Variants in TPGS2 observed in about 807,000 individuals in gnomAD.
TPGS2 encodes polyglutamylase subunit 2.
In TPGS2, 26 loss-of-function variants were observed where a neutral mutation model predicts 31.1. The observed-to-expected ratio is 0.84, with a 90% CI of 0.61 to 1.16. TPGS2 has a LOEUF of 1.16. Among genes scored for constraint, TPGS2 ranks in the 50% most tolerant of loss-of-function variants. The pLI is 0.00. For missense variants in TPGS2, 351 were observed against 363.8 expected (o/e 0.96, Z 0.29); for synonymous variants, 130 against 136.6 (o/e 0.95, Z 0.34).
chr18:36,812,029 A>G (rs1282321677), intron 2 of TPGS2, among the ~76,000 whole-genome samples: 1 of 152,216 alleles, frequency 6.6e-6, no homozygotes, highest in Non-Finnish European at 1.5e-5. Flanking sequence ...GAAGGTTTCT[A>G]AGAAAACTTT....
intron 2 of TPGS2, among the ~76,000 whole-genome samples, chr18:36,817,035 A>G (rs1452546956): frequency 1.3e-5 from 2 of 152,268 alleles, no homozygotes; most frequent in Admixed American, 6.5e-5. Context: ...CCAGACTGGC[A>G]TAGTCACAGA....
At chr18:36,790,879 C>T (rs986161579), downstream of TPGS2, among the ~76,000 whole-genome samples, 7 of 152,146 alleles carry the variant, frequency 4.6e-5, no homozygotes, top group African/African-American at 1.4e-4. Flanking sequence ...TCATGGGGTT[C>T]CATACTAAGT....
chr18:36,817,166 G>C (rs1478446782), intron 2 of TPGS2, among the ~76,000 whole-genome samples: 3 of 152,216 alleles, frequency 2.0e-5, no homozygotes, highest in South Asian at 2.1e-4. Flanking sequence ...AGTGAGAAGA[G>C]TTGGGATGCT....
intron 1 of TPGS2, among the ~76,000 whole-genome samples, chr18:36,823,460 G>GTTTTTTTTTTTTTTTTTTTTTT (rs919277214): frequency 5.6e-5 from 6 of 108,092 alleles, no homozygotes; most frequent in Non-Finnish European, 1.1e-4. Flanking sequence ...TTAACAGCTT[G>GTTTTTTTTTTTTTTTTTTTTTT]TTTTTTTTTT....
downstream of TPGS2, among the ~76,000 whole-genome samples, chr18:36,792,552 A>G (rs2150542744): frequency 6.6e-6 from 1 of 152,296 alleles, no homozygotes; most frequent in East Asian, 1.9e-4. Flanking sequence ...TAAAAGCAAA[A>G]CCACCCAGAC....
At position 36,824,512 on chromosome 18, in the gene TPGS2, T is replaced by C. The variant is rs559142323; in HGVS notation, c.85+4171A>G. ...ATCCCCACCAGCAGTGTATGATATC[T>C]TCATATCCTCACCAACAATTGCTGT... On this transcript the variant is annotated intron_variant, in intron 1 of 6. Coordinates refer to ENST00000334295, the MANE Select transcript of TPGS2 (RefSeq NM_015476.4). 2.0e-5 allele frequency among the ~76,000 whole-genome samples: 3 copies of C among 152,368 alleles called. No homozygotes were observed. In the East Asian group the frequency reaches 5.8e-4, roughly 29 times the overall value.
At chr18:36,807,442 G>A (rs1233137865) in intron 3 of TPGS2, 1 of 168,370 alleles carries the variant, frequency 5.9e-6, no homozygotes, top group African/African-American at 2.4e-5. Flanking sequence ...GGGAATAAAG[G>A]AAGAGCCTGA....
downstream of TPGS2, among the ~76,000 whole-genome samples, chr18:36,792,326 G>A (rs550212622): frequency 2.0e-5 from 3 of 152,306 alleles, no homozygotes; most frequent in East Asian, 5.8e-4. Flanking sequence ...CGGCATGCCT[G>A]GTCATGAGTT....
chr18:36,798,266 T>C, intron 6 of TPGS2, 183 bp downstream of exon 6: 1 of 1,420,670 alleles, frequency 7.0e-7, no homozygotes, highest in Non-Finnish European at 9.2e-7. Flanking sequence ...ACCACTTAAC[T>C]AGATGAGTAA....
chr18:36,828,880 G>T lies in TPGS2; in HGVS notation c.-113C>A. 1.5e-6 allele frequency: 2 copies of T among 1,334,220 alleles called. No individual in the cohort carries two copies. The highest frequency in any genetic ancestry group is 1.0e-6 in the Non-Finnish European group (1 of 973,828). The allele number at this position is 1,334,220 out of a possible 1,614,324, so 82.6% of individuals were successfully genotyped here. On this transcript the variant is annotated 5_prime_UTR_variant, in exon 1 of 7. Coordinates refer to ENST00000334295, the MANE Select transcript of TPGS2 (RefSeq NM_015476.4). ...GAACGGTAGTTCTCGGCGCCTGAAA[G>T]CGCGGCGCAGTGATGATGGGGGCCC... is the stretch of plus-strand genomic sequence containing the variant.
At chr18:36,825,252 G>A (rs1435706644) in intron 1 of TPGS2, among the ~76,000 whole-genome samples, 1 of 151,982 alleles carries the variant, frequency 6.6e-6, no homozygotes, top group African/African-American at 2.4e-5. Flanking sequence ...CTAACATGGT[G>A]AAACCCTGTC....
rs370392304 is a variant in TPGS2, at chr18:36,800,260, A to G, written c.434T>C (p.Phe145Ser). 3.1e-5 allele frequency: 50 copies of G among 1,614,158 alleles called. No individual in the cohort carries two copies. The highest frequency in any genetic ancestry group is 3.9e-5 in the Non-Finnish European group (46 of 1,180,006). The change falls in exon 5 of 7, where the codon TTT becomes TCT. Residue 145 changes from phenylalanine to serine, a missense_variant. Transcript: ENST00000334295. Reference protein sequence around the residue: ...KPHFDSRSVIFELDSCNGSGK... With the variant: ...KPHFDSRSVISELDSCNGSGK... ...ACTGCCATTGCATGAATCCAGCTCA[A>G]ATATCACACTGCGAGAGTCAAAGTG...
At chr18:36,815,792 T>A (rs547421417) in intron 2 of TPGS2, among the ~76,000 whole-genome samples, 1 of 152,154 alleles carries the variant, frequency 6.6e-6, no homozygotes, top group Non-Finnish European at 1.5e-5. Flanking sequence ...GAAAGAAACA[T>A]TTTTATATTA....
At chr18:36,815,913 ACTC>A (rs1443912368) in intron 2 of TPGS2, among the ~76,000 whole-genome samples, 1 of 151,360 alleles carries the variant, frequency 6.6e-6, no homozygotes, top group East Asian at 1.9e-4. Flanking sequence ...CTGTTCTTGA[ACTC>A]CTGGCCTCAA....
chr18:36,803,161 A>C (rs1443450025), intron 4 of TPGS2, among the ~76,000 whole-genome samples: 2 of 152,084 alleles, frequency 1.3e-5, no homozygotes, highest in African/African-American at 4.8e-5. Context: ...TCTTTTAGCT[A>C]TTTTGAAATA....
In TPGS2 at chr18:36,797,040, C is replaced by T. The variant is rs1160617402; in HGVS notation, c.668G>A (p.Ser223Asn). ...GTTGTAGGTGATAGGTTTATACATGCTGAACCATTGCTGTAAGGCAGAATT... is the reference window on the plus strand; with the variant it reads ...GTTGTAGGTGATAGGTTTATACATGTTGAACCATTGCTGTAAGGCAGAATT... The part of the protein sequence containing the change: ...GISPQAKQWF[S>N]MYKPITYNTN... The change falls in exon 7 of 7, where the codon AGC (serine) becomes AAC (asparagine). Residue 223 changes from serine (S) to asparagine (N), a missense_variant. By Grantham distance (46) the Ser-to-Asn change is conservative. Transcript: ENST00000334295. 8 of 1,593,680 alleles carry T rather than the reference C, an allele frequency of 5.0e-6. No homozygotes were observed. The highest frequency in any genetic ancestry group is 6.8e-6 in the Non-Finnish European group (8 of 1,173,642).
intron 3 of TPGS2, 45 bp downstream of exon 3, chr18:36,807,802 A>C: frequency 6.3e-7 from 1 of 1,586,780 alleles, no homozygotes; most frequent in Admixed American, 1.7e-5. Context: ...GTCCCATTCA[A>C]TCTCTCAGCC....
chr18:36,781,000 A>G (rs965741166), downstream of TPGS2, among the ~76,000 whole-genome samples: 1 of 152,216 alleles, frequency 6.6e-6, no homozygotes, highest in Admixed American at 6.5e-5. Flanking sequence ...GTCACTGGTG[A>G]TAGGAATTTT....
chr18:36,798,464 A>C lies in TPGS2; in HGVS notation c.642T>G (p.Ile214Met), dbSNP rs759718373. The change falls in exon 6 of 7, where the codon ATT becomes ATG. Residue 214 changes from isoleucine to methionine, a missense_variant. Physicochemically the swap from Ile to Met is conservative, Grantham distance 10 (BLOSUM62 1). Transcript: ENST00000334295. ...CCTCCCTTACCTTGGCCTGTGGGCT[A>C]ATGCCATAGCTGGTGAAGGCATATT... ...QWQYAFTSYGISPQAKQWFSM... is the reference protein window; with the variant it reads ...QWQYAFTSYGMSPQAKQWFSM... 1.2e-6 allele frequency: 2 copies of C among 1,614,196 alleles called. No individual in the cohort carries two copies. Among genetic ancestry groups the C allele is most frequent in the South Asian group, 2.2e-5 (2 of 91,084 alleles).
Sources: gnomAD v4.1 joint callset for allele counts (sites outside exome capture counted in the v4.1 genomes callset) on GRCh38, gnomAD v4.1.1 for gene constraint, MANE v1.5 for transcripts, NCBI Gene and HGNC (gene_info 2026-07-23, HGNC 2026-07-21) for gene names.